The following MYRIP variants were observed in gnomAD, a reference collection of about 807,000 sequenced individuals.
MYRIP encodes the protein myosin VIIA and Rab interacting protein.
MYRIP carries 49 observed loss-of-function variants against 98.0 expected under a neutral mutation model. The observed-to-expected ratio is 0.50, with a 90% CI of 0.40 to 0.63. MYRIP has a LOEUF of 0.63. MYRIP is among the 30% of genes least tolerant of loss of function. MYRIP has a pLI of 0.00. For missense variants in MYRIP, 1,004 were observed against 1,058.2 expected, an observed-to-expected ratio of 0.95 and a Z score of 0.71; for synonymous variants, 404 against 409.5, an observed-to-expected ratio of 0.99 and a Z score of 0.16.
intron 2 of MYRIP, among the ~76,000 whole-genome samples, chr3:39,957,803 C>T (rs183049330): frequency 5.1e-4 from 78 of 152,286 alleles, no homozygotes; most frequent in African/African-American, 1.1e-3. Flanking sequence ...CCAAAATCTC[C>T]GTAAGCTGAT....
chr3:40,090,160 G>A (rs1301865418), intron 3 of MYRIP, among the ~76,000 whole-genome samples: 2 of 151,950 alleles, frequency 1.3e-5, no homozygotes, highest in Non-Finnish European at 2.9e-5. Context: ...GGTGAGCTTT[G>A]AGACCTTGTA....
chr3:39,928,512 A>C lies in MYRIP; in HGVS notation c.110+27586A>C, dbSNP rs192458580. 6.9e-4 allele frequency among the ~76,000 whole-genome samples: 105 copies of C among 152,052 alleles called. 1 individual carries two copies. Among genetic ancestry groups the C allele is most frequent in the African/African-American group, 2.5e-3 (104 of 41,558 alleles). ...AAGTGAGGTTTATTTCAGAGATGCA[A>C]AGCTGGTTCAGTTTTAAAAAAACAA... On this transcript the variant is annotated intron_variant, in intron 2 of 16. Coordinates refer to ENST00000302541, the MANE Select transcript of MYRIP (RefSeq NM_015460.4).
intron 9 of MYRIP, among the ~76,000 whole-genome samples, chr3:40,182,696 C>T (rs2125618000): frequency 6.6e-6 from 1 of 152,262 alleles, no homozygotes; most frequent in South Asian, 2.1e-4. Flanking sequence ...ACTGCACACC[C>T]CACTTCAGCT....
chr3:39,927,892 A>G (rs540846264), intron 2 of MYRIP, among the ~76,000 whole-genome samples: 1 of 152,212 alleles, frequency 6.6e-6, no homozygotes, highest in East Asian at 1.9e-4. Flanking sequence ...TACATAAATC[A>G]ATAAATGTGA....
chr3:39,844,566 GC>G (rs1349721991), intron 1 of MYRIP, among the ~76,000 whole-genome samples: 2 of 152,168 alleles, frequency 1.3e-5, no homozygotes, highest in Non-Finnish European at 2.9e-5. Flanking sequence ...AACTGCTTGG[GC>G]CTGATTGCTT....
intron 2 of MYRIP, among the ~76,000 whole-genome samples, chr3:39,922,544 C>T (rs1441763990): frequency 6.6e-6 from 1 of 152,150 alleles, no homozygotes; most frequent in Non-Finnish European, 1.5e-5. Context: ...AAATATTCAC[C>T]ACTGCCCAGT....
intron 1 of MYRIP, among the ~76,000 whole-genome samples, chr3:39,871,327 G>C (rs574848956): frequency 6.6e-6 from 1 of 152,192 alleles, no homozygotes; most frequent in Non-Finnish European, 1.5e-5. Flanking sequence ...ATAAATGTAG[G>C]CTTGTGATTT....
intron 1 of MYRIP, among the ~76,000 whole-genome samples, chr3:39,880,802 TTTGA>T (rs1943140070): frequency 6.6e-6 from 1 of 152,220 alleles, no homozygotes; most frequent in Non-Finnish European, 1.5e-5. Flanking sequence ...TGAAATTTTC[TTTGA>T]TTGATATATT....
chr3:40,045,556 C>T (rs994274257), intron 3 of MYRIP, among the ~76,000 whole-genome samples: 1 of 152,094 alleles, frequency 6.6e-6, no homozygotes, highest in African/African-American at 2.4e-5. Flanking sequence ...ATTTCTCAGT[C>T]AAGGTGGGGT....
At chr3:39,854,705 T>A (rs1279922519) in intron 1 of MYRIP, among the ~76,000 whole-genome samples, 1 of 152,218 alleles carries the variant, frequency 6.6e-6, no homozygotes, top group East Asian at 1.9e-4. Flanking sequence ...TTTGGGGTGT[T>A]ACAGAATCTT....
In MYRIP at chr3:40,162,782, T is replaced by C; in HGVS notation, c.522T>C (p.Ser174=). 1 of 1,614,072 alleles carries C rather than the reference T, an allele frequency of 6.2e-7. No homozygotes were observed. The highest frequency in any genetic ancestry group is 8.5e-7 in the Non-Finnish European group (1 of 1,179,972). Residue 174 remains serine (S), a synonymous_variant, in exon 5 of 17, where the codon AGT becomes AGC. Transcript: ENST00000302541. ...NLENEGSISG[S]DSTFYRQSEG... ...AGAATGAAGGAAGCATTTCTGGCAG[T>C]GATTCAACATTTTATAGGCAGTCAG...
chr3:39,958,693 C>G (rs1229409911), intron 2 of MYRIP, among the ~76,000 whole-genome samples: 1 of 152,154 alleles, frequency 6.6e-6, no homozygotes, highest in Admixed American at 6.5e-5. Flanking sequence ...TCTAATTAAA[C>G]TAAAGAGCTT....
chr3:40,040,564 G>C, intron 2 of MYRIP, among the ~76,000 whole-genome samples: 1 of 62,176 alleles, frequency 1.6e-5, no homozygotes. Flanking sequence ...CAATAGCAAA[G>C]ACTTGGAACC....
At chr3:39,840,708 C>T (rs1941774372) in intron 1 of MYRIP, among the ~76,000 whole-genome samples, 1 of 152,176 alleles carries the variant, frequency 6.6e-6, no homozygotes, top group African/African-American at 2.4e-5. Flanking sequence ...TTTTATTTCT[C>T]CTCCACTTAT....
intron 1 of MYRIP, among the ~76,000 whole-genome samples, chr3:39,851,725 C>A (rs774664645): frequency 6.6e-6 from 1 of 152,204 alleles, no homozygotes; most frequent in Admixed American, 6.5e-5. Flanking sequence ...CATAGTGTCA[C>A]TTCTGATGGG....
At chr3:40,018,521 C>T (rs1167166643) in intron 2 of MYRIP, among the ~76,000 whole-genome samples, 1 of 152,178 alleles carries the variant, frequency 6.6e-6, no homozygotes, top group Non-Finnish European at 1.5e-5. Flanking sequence ...AGACCAAAGA[C>T]ATGAGTGGTC....
Position 40,079,626 on chromosome 3 carries a change from A to C in MYRIP, c.332+35355A>C, listed in dbSNP as rs150199756. Reference sequence around the variant, plus strand: ...GAAGTTCCATGCATTCCCTAGGTGCATTCTTTTTGTGTGATTCTTGAACAT... The same window carrying C: ...GAAGTTCCATGCATTCCCTAGGTGCCTTCTTTTTGTGTGATTCTTGAACAT... On this transcript the variant is annotated intron_variant, in intron 3 of 16. Transcript: ENST00000302541. 2.2e-4 allele frequency among the ~76,000 whole-genome samples: 34 copies of C among 152,350 alleles called. No individual in the cohort carries two copies. In the East Asian group the frequency reaches 6.4e-3, roughly 29 times the overall value.
intron 2 of MYRIP, among the ~76,000 whole-genome samples, chr3:40,033,751 G>C (rs13098000): frequency 0.066 from 9,948 of 151,740 alleles, 445 homozygotes; most frequent in East Asian, 0.17. Flanking sequence ...CAAAAAAGAG[G>C]CGGCATTGCC....
At chr3:39,933,104 T>C (rs1944577934) in intron 2 of MYRIP, among the ~76,000 whole-genome samples, 1 of 152,212 alleles carries the variant, frequency 6.6e-6, no homozygotes. Flanking sequence ...CTTTCTGATT[T>C]CTTATTTATT....
Sources: gnomAD v4.1 joint callset for allele counts (sites outside exome capture counted in the v4.1 genomes callset) on GRCh38, gnomAD v4.1.1 for gene constraint, MANE v1.5 for transcripts, NCBI Gene and HGNC (gene_info 2026-07-23, HGNC 2026-07-21) for gene names.